PVT1: variants seen among roughly 807,000 people sequenced by gnomAD.
PVT1 encodes Pvt1 oncogene, also known as CXCR4/PVT1 fusion.
At chr8:127,832,587 G>A (rs938929940) in intron 2 of PVT1, among the ~76,000 whole-genome samples, 9 of 152,366 alleles carry the variant, frequency 5.9e-5, no homozygotes, top group South Asian at 2.1e-4. Context: ...GGCCGGGTGT[G>A]GTGGCTCACG....
chr8:128,065,757 C>CAT (rs34750426), intron 4 of PVT1, among the ~76,000 whole-genome samples: 74,645 of 151,900 alleles, frequency 0.49, 18,711 homozygotes, highest in East Asian at 0.6. Flanking sequence ...CAAGCAGACA[C>CAT]AAAAAACTGG....
At chr8:128,064,105 C>T (rs1813869359) in intron 4 of PVT1, among the ~76,000 whole-genome samples, 1 of 152,180 alleles carries the variant, frequency 6.6e-6, no homozygotes, top group African/African-American at 2.4e-5. Context: ...ATCTGGGTGA[C>T]AGCGCTATTG....
At chr8:127,939,760 G>A (rs935582745) in intron 3 of PVT1, 1 of 152,210 alleles carries the variant, frequency 6.6e-6, no homozygotes, top group African/African-American at 2.4e-5. Flanking sequence ...CTAAGGGTCT[G>A]TACATTTTCC....
chr8:127,865,674 C>G (rs907370343), intron 2 of PVT1, among the ~76,000 whole-genome samples: 2 of 152,232 alleles, frequency 1.3e-5, no homozygotes, highest in African/African-American at 4.8e-5. Flanking sequence ...CCTGCTAACA[C>G]TCAGTGAGAC....
chr8:127,862,753 G>A (rs1162261172), intron 2 of PVT1, among the ~76,000 whole-genome samples: 3 of 152,266 alleles, frequency 2.0e-5, no homozygotes, highest in African/African-American at 7.2e-5. Context: ...TTATAAAGTT[G>A]CTTTTCTTTG....
chr8:127,937,574 C>CAGAGAGAG (rs1403061270), intron 3 of PVT1, among the ~76,000 whole-genome samples: 29 of 96,280 alleles, frequency 3.0e-4, no homozygotes, highest in African/African-American at 5.0e-4. Flanking sequence ...CACACACACA[C>CAGAGAGAG]ACACACAGAG....
intron 2 of PVT1, among the ~76,000 whole-genome samples, chr8:127,834,906 ATG>A (rs1814893147): frequency 6.6e-6 from 1 of 152,242 alleles, no homozygotes; most frequent in Non-Finnish European, 1.5e-5. Flanking sequence ...ATACCATCTC[ATG>A]CCAGTTAGAA....
intron 3 of PVT1, among the ~76,000 whole-genome samples, chr8:127,926,930 G>C (rs571240694): frequency 6.6e-6 from 1 of 152,320 alleles, no homozygotes; most frequent in East Asian, 1.9e-4. Context: ...GGAAAGGTCT[G>C]CATTGAATCA....
At position 127,860,614 on chromosome 8, in the gene PVT1, A is replaced by G. The variant is rs183424080; in HGVS notation, n.373-29975A>G. On this transcript the variant is annotated intron_variant and non_coding_transcript_variant, in intron 2 of 10. Transcript: ENST00000651587. ...CCCGTCTCTACTAAAAATACAAAAA[A>G]ATTAGCTGGGCGTGGTGGCACGTGC... Among the ~76,000 whole-genome samples the G allele has an allele frequency of 3.6e-4, 55 of 151,936 alleles. 1 individual carries two copies. In the East Asian group the frequency reaches 0.01, roughly 28 times the overall value.
chr8:127,800,467 C>T (rs866364803), intron 2 of PVT1, among the ~76,000 whole-genome samples: 2 of 152,122 alleles, frequency 1.3e-5, no homozygotes, highest in African/African-American at 2.4e-5. Flanking sequence ...AAAGTCTCCC[C>T]GGCCCCACTG....
intron 3 of PVT1, among the ~76,000 whole-genome samples, chr8:127,953,351 G>C (rs1816530018): frequency 6.6e-6 from 1 of 152,162 alleles, no homozygotes; most frequent in Non-Finnish European, 1.5e-5. Flanking sequence ...TGATGTTGGA[G>C]ATATCAGCCT....
chr8:128,012,889 T>C (rs1817329440), intron 4 of PVT1, among the ~76,000 whole-genome samples: 1 of 152,194 alleles, frequency 6.6e-6, no homozygotes, highest in African/African-American at 2.4e-5. Context: ...ATCTGGGCTT[T>C]GGTGTTTTAA....
intron 4 of PVT1, among the ~76,000 whole-genome samples, chr8:128,033,977 G>A (rs1383736393): frequency 1.3e-5 from 2 of 151,980 alleles, no homozygotes; most frequent in East Asian, 1.9e-4. Flanking sequence ...GAGTCAGAAG[G>A]CTGGGCAACC....
At chr8:127,976,363 G>A (rs1334308661) in intron 3 of PVT1, among the ~76,000 whole-genome samples, 2 of 152,168 alleles carry the variant, frequency 1.3e-5, no homozygotes, top group South Asian at 2.1e-4. Flanking sequence ...ACAAGAGGAT[G>A]AATATTTGAA....
chr8:127,995,362 G>T (rs1023337526), intron 4 of PVT1, among the ~76,000 whole-genome samples: 1 of 152,186 alleles, frequency 6.6e-6, no homozygotes, highest in Non-Finnish European at 1.5e-5. Flanking sequence ...GAACACTCCT[G>T]TGTTCACAGC....
At chr8:128,015,091 A>ATTTAT (rs369418776) in intron 4 of PVT1, among the ~76,000 whole-genome samples, 2 of 139,124 alleles carry the variant, frequency 1.4e-5, no homozygotes, top group Non-Finnish European at 3.1e-5. Context: ...TTATTTATTT[A>ATTTAT]TTATTTATTT....
intron 3 of PVT1, among the ~76,000 whole-genome samples, chr8:127,975,328 T>TA (rs945139867): frequency 1.3e-5 from 2 of 152,188 alleles, no homozygotes; most frequent in Non-Finnish European, 2.9e-5. Context: ...ATTATTAGCT[T>TA]AAAAAAATTA....
rs35320355 is a variant in PVT1 at position 128,060,905 on chromosome 8, C to CTTT, written n.913-9235_913-9233dup. Among the ~76,000 whole-genome samples, 804 of 123,592 alleles carry CTTT rather than the reference C, an allele frequency of 6.5e-3. 29 individuals are homozygous for CTTT. The highest frequency in any genetic ancestry group is 0.016 in the African/African-American group (533 of 32,308). The allele number at this position is 123,592 out of a possible 152,430, so 81.1% of individuals were successfully genotyped here. On this transcript the variant is annotated intron_variant and non_coding_transcript_variant, in intron 4 of 10. Coordinates refer to ENST00000651587, the Ensembl canonical transcript of PVT1. The stretch of plus-strand genomic sequence containing the variant: ...TTCTATCCCCAGTCCTAGGCAACTA[C>CTTT]TTTTTTTTTTTTTTTTTTTTTTGAG...
At chr8:127,963,091 C>T (rs1161182065) in intron 3 of PVT1, among the ~76,000 whole-genome samples, 3 of 152,176 alleles carry the variant, frequency 2.0e-5, no homozygotes, top group Non-Finnish European at 2.9e-5. Flanking sequence ...GAGTCTGGGT[C>T]TCACCCTGCC....
Sources: gnomAD v4.1 joint callset for allele counts (sites outside exome capture counted in the v4.1 genomes callset) on GRCh38, gnomAD v4.1.1 for gene constraint, MANE v1.5 for transcripts, NCBI Gene and HGNC (gene_info 2026-07-23, HGNC 2026-07-21) for gene names.